LRPPRC: variants seen among roughly 807,000 people sequenced by gnomAD.
LRPPRC encodes leucine-rich PPR motif-containing protein, mitochondrial.
Under a neutral mutation model 180.3 loss-of-function variants are expected in LRPPRC, and 120 were observed. That is an observed-to-expected ratio of 0.67 (90% CI 0.57 to 0.77). The LOEUF (loss-of-function observed/expected upper bound fraction) is 0.77, where lower values mean the gene tolerates loss of function less well. Among genes scored for constraint, LRPPRC ranks in the 30% least tolerant of loss-of-function variants. The pLI is 0.00. For missense variants in LRPPRC, 2,012 were observed against 1,657.2 expected (o/e 1.21, Z -3.72); for synonymous variants, 723 against 600.0 (o/e 1.21, Z -3.00).
At chr2:43,995,519 G>A (rs1675006012) in intron 1 of LRPPRC, among the ~76,000 whole-genome samples, 2 of 152,214 alleles carry the variant, frequency 1.3e-5, no homozygotes, top group Admixed American at 1.3e-4. Context: ...CATCTTCGTT[G>A]ACCATGGGTA....
chr2:43,967,679 G>C (rs1046359364), intron 11 of LRPPRC, among the ~76,000 whole-genome samples: 3 of 152,138 alleles, frequency 2.0e-5, no homozygotes, highest in Non-Finnish European at 4.4e-5. Context: ...GGACAACAGA[G>C]CGAGACTCGG....
chr2:43,968,953 A>G (rs1181786180), intron 11 of LRPPRC, among the ~76,000 whole-genome samples: 1 of 152,244 alleles, frequency 6.6e-6, no homozygotes, highest in Non-Finnish European at 1.5e-5. Flanking sequence ...TAACTTGACT[A>G]TGGTAATCAG....
At position 43,948,476 on chromosome 2, in the gene LRPPRC, C is replaced by T; in HGVS notation, c.1778G>A (p.Ser593Asn). The change falls in exon 17 of 38, where the codon AGT becomes AAT. Residue 593 changes from serine (S) to asparagine (N), a missense_variant. Ser to Asn is a conservative substitution (Grantham distance 46). Coordinates refer to ENST00000260665, the MANE Select transcript of LRPPRC (RefSeq NM_133259.4). ...YFLYNLIDSM[S>N]DSEVQAKEEH... is the part of the protein sequence containing the mutation. ...CTCCTTGGCCTGTACCTCTGAGTCA[C>T]TCATGCTGTCAATCAAGTTATAAAG... 1 of 1,611,978 alleles carries T rather than the reference C, an allele frequency of 6.2e-7. No individual in the cohort carries two copies. The highest frequency in any genetic ancestry group is 8.5e-7 in the Non-Finnish European group (1 of 1,178,098).
intron 25 of LRPPRC, 136 bp downstream of exon 25, chr2:43,934,054 C>G: frequency 1.6e-6 from 1 of 633,254 alleles, no homozygotes; most frequent in Non-Finnish European, 2.9e-6. Context: ...CGAGATCCCC[C>G]TCCCCCAACA....
At position 43,918,205 on chromosome 2, in the gene LRPPRC, C is replaced by A. The variant is rs762292790; in HGVS notation, c.3039+51G>T. ...AATATAAAAGTAGGCTAATCTATAA[C>A]CTAATTATACTGACAACAAAATCTG... On this transcript the variant is annotated intron_variant, in intron 28 of 37. Transcript: ENST00000260665. The A allele has an allele frequency of 5.0e-6, 8 of 1,599,238 alleles. No individual in the cohort carries two copies. The Admixed American group carries it at 1.3e-4, about 27-fold the overall frequency.
In LRPPRC at chr2:43,936,195, G is replaced by A. The variant is rs568472935; in HGVS notation, c.2505-1317C>T. Among the ~76,000 whole-genome samples, 3 of 152,252 alleles carry A rather than the reference G, an allele frequency of 2.0e-5. No homozygotes were observed. In the South Asian group the frequency reaches 6.2e-4, roughly 32 times the overall value. On this transcript the variant is annotated intron_variant, in intron 23 of 37. Coordinates refer to ENST00000260665, the MANE Select transcript of LRPPRC (RefSeq NM_133259.4). ...AATGAAACTGGGGCATCTAGAGACTGGCTGATTTGACTAAGGCTACCAGGT... is the reference window on the plus strand; with the variant it reads ...AATGAAACTGGGGCATCTAGAGACTAGCTGATTTGACTAAGGCTACCAGGT...
intron 30 of LRPPRC, among the ~76,000 whole-genome samples, chr2:43,907,840 A>T (rs1671115549): frequency 6.6e-6 from 1 of 152,186 alleles, no homozygotes; most frequent in Non-Finnish European, 1.5e-5. Flanking sequence ...CAGAGAATTT[A>T]TTGCTCTGAA....
At chr2:43,965,965 C>T (rs1402448500) in intron 11 of LRPPRC, among the ~76,000 whole-genome samples, 1 of 152,156 alleles carries the variant, frequency 6.6e-6, no homozygotes, top group Non-Finnish European at 1.5e-5. Flanking sequence ...CCAACAATCC[C>T]ACTTCTGAGC....
At chr2:43,993,720 A>G (rs1002371374) in intron 1 of LRPPRC, among the ~76,000 whole-genome samples, 3 of 143,522 alleles carry the variant, frequency 2.1e-5, no homozygotes, top group African/African-American at 7.9e-5. Flanking sequence ...GCTCTCATAT[A>G]GCTTACCTTC....
intron 29 of LRPPRC, 72 bp from the exon 30 acceptor site, chr2:43,912,630 GAAAC>G (rs1671306581): frequency 1.5e-6 from 2 of 1,377,466 alleles, no homozygotes; most frequent in African/African-American, 2.9e-5. Flanking sequence ...AAAAAATCCT[GAAAC>G]AAAGACCTAA....
At chr2:43,989,128 C>G (rs756039957) in intron 1 of LRPPRC, among the ~76,000 whole-genome samples, 1 of 152,188 alleles carries the variant, frequency 6.6e-6, no homozygotes, top group Non-Finnish European at 1.5e-5. Context: ...CTGCCTCAGA[C>G]TCTCAAAGTG....
intron 1 of LRPPRC, among the ~76,000 whole-genome samples, chr2:43,992,502 G>C (rs1247225553): frequency 6.6e-6 from 1 of 152,190 alleles, no homozygotes; most frequent in Non-Finnish European, 1.5e-5. Context: ...GTGCTAAAGA[G>C]TCTGGATCTC....
chr2:43,948,492 A>G lies in LRPPRC; in HGVS notation c.1762T>C (p.Leu588=), dbSNP rs775978547. Reference sequence around the variant, plus strand: ...TCTGAGTCACTCATGCTGTCAATCAAGTTATAAAGAAAATAGCCAACAGCT... The same window carrying G: ...TCTGAGTCACTCATGCTGTCAATCAGGTTATAAAGAAAATAGCCAACAGCT... ...TEAVGYFLYN[L]IDSMSDSEVQ... The change falls in exon 17 of 38, where the codon TTG becomes CTG. Residue 588 remains leucine (L), a synonymous_variant. Transcript: ENST00000260665. 7 of 1,608,386 alleles carry G rather than the reference A, an allele frequency of 4.4e-6. No individual in the cohort carries two copies. Among genetic ancestry groups the G allele is most frequent in the Non-Finnish European group, 6.0e-6 (7 of 1,174,772 alleles).
chr2:43,935,434 T>A (rs1672241692), intron 23 of LRPPRC, among the ~76,000 whole-genome samples: 1 of 152,326 alleles, frequency 6.6e-6, no homozygotes, highest in East Asian at 1.9e-4. Context: ...TCAAGTTTCA[T>A]ATATATGGGA....
At chr2:43,910,141 A>G (rs954762073) in intron 30 of LRPPRC, among the ~76,000 whole-genome samples, 3 of 152,156 alleles carry the variant, frequency 2.0e-5, no homozygotes, top group Non-Finnish European at 2.9e-5. Flanking sequence ...CTGCAATTGC[A>G]GTTTTGAAAC....
At chr2:43,949,837 T>C (rs974928097) in intron 15 of LRPPRC, among the ~76,000 whole-genome samples, 178 bp from the exon 16 acceptor site, 1 of 152,190 alleles carries the variant, frequency 6.6e-6, no homozygotes, top group African/African-American at 2.4e-5. Flanking sequence ...AATAATAGGT[T>C]TGTCTTTTAA....
intron 3 of LRPPRC, among the ~76,000 whole-genome samples, chr2:43,979,436 G>C (rs1190129513): frequency 6.6e-6 from 1 of 152,048 alleles, no homozygotes; most frequent in East Asian, 1.9e-4. Context: ...AAGAATATTT[G>C]AATTGGTTCC....
At chr2:43,971,793 C>T (rs563057806) in intron 11 of LRPPRC, among the ~76,000 whole-genome samples, 13 of 152,140 alleles carry the variant, frequency 8.5e-5, no homozygotes, top group Admixed American at 4.6e-4. Context: ...AGAATACATA[C>T]AGCCATTTCT....
rs150462668 is a variant in LRPPRC at position 43,916,591 on chromosome 2, A to G, written c.3148+1434T>C. Among the ~76,000 whole-genome samples, 5 of 152,362 alleles carry G rather than the reference A, an allele frequency of 3.3e-5. No individual in the cohort carries two copies. In the East Asian group the frequency reaches 7.7e-4, roughly 23 times the overall value. Reference sequence around the variant, plus strand: ...CCACAAAAAGTTATTTTCAAAAAATACTTTTAATAAAAATGTATGCCAACA... The same window carrying G: ...CCACAAAAAGTTATTTTCAAAAAATGCTTTTAATAAAAATGTATGCCAACA... On this transcript the variant is annotated intron_variant, in intron 29 of 37. Transcript: ENST00000260665.
Sources: gnomAD v4.1 joint callset for allele counts (sites outside exome capture counted in the v4.1 genomes callset) on GRCh38, gnomAD v4.1.1 for gene constraint, MANE v1.5 for transcripts, NCBI Gene and HGNC (gene_info 2026-07-23, HGNC 2026-07-21) for gene names.